The following NTNG2 variants were observed in gnomAD, a reference collection of about 807,000 sequenced individuals.
NTNG2 encodes the protein netrin G2.
Under a neutral mutation model 47.6 loss-of-function variants are expected in NTNG2, and 15 were observed. That is an observed-to-expected ratio of 0.32 (90% CI 0.21 to 0.49). The LOEUF (loss-of-function observed/expected upper bound fraction) is 0.49, where lower values mean the gene tolerates loss of function less well. Among genes scored for constraint, NTNG2 ranks in the 20% least tolerant of loss-of-function variants. The pLI, the probability that NTNG2 is intolerant of heterozygous loss-of-function variation, is 0.99. For synonymous variants in NTNG2, 307 were observed against 324.6 expected (o/e 0.95, Z 0.58); for missense variants, 578 against 764.6 (o/e 0.76, Z 2.88).
intron 3 of NTNG2, among the ~76,000 whole-genome samples, chr9:132,213,030 G>T (rs1451570162): frequency 6.6e-6 from 1 of 152,120 alleles, no homozygotes; most frequent in Non-Finnish European, 1.5e-5. Context: ...AGAAAAGAAG[G>T]ACTTGAGGCC....
Position 132,163,684 on chromosome 9 carries a change from C to T in NTNG2, c.-484+1445C>T, listed in dbSNP as rs899943662. ...CTCCCTCCCGTGCCCCCAGGGGCCC[C>T]GCGCCCGCCGCGGCAAGTTTCCCAC... On this transcript the variant is annotated intron_variant, in intron 1 of 7. Transcript: ENST00000393229. The surrounding 1 kb of genome is among the most constrained non-coding windows in gnomAD (Gnocchi z 7.2). 9.9e-5 allele frequency among the ~76,000 whole-genome samples: 15 copies of T among 152,102 alleles called. 1 individual carries two copies. The highest frequency in any genetic ancestry group is 9.2e-4 in the Admixed American group (14 of 15,284).
chr9:132,173,817 ACAGG>A (rs1045837974), intron 2 of NTNG2, among the ~76,000 whole-genome samples: 1 of 143,368 alleles, frequency 7.0e-6, no homozygotes, highest in African/African-American at 2.7e-5. Flanking sequence ...GGACGGACAG[ACAGG>A]CAGGCCACAC....
chr9:132,210,311 C>T (rs994135790), intron 3 of NTNG2, among the ~76,000 whole-genome samples: 1 of 152,170 alleles, frequency 6.6e-6, no homozygotes, highest in East Asian at 1.9e-4. Flanking sequence ...AGTCCCAGTA[C>T]TCAGGAGGTG....
rs56076447 is a variant in NTNG2, at chr9:132,209,649, A to G, written c.857+11040A>G. On this transcript the variant is annotated intron_variant, in intron 3 of 7. Coordinates refer to ENST00000393229, the MANE Select transcript of NTNG2 (RefSeq NM_032536.4). ...TGGAGGTCACAGTAGACGCACCCAG[A>G]GCAGAGCCCGGGAGTCCGGGATGAA... Among the ~76,000 whole-genome samples, 558 of 152,302 alleles carry G rather than the reference A, an allele frequency of 3.7e-3. 3 individuals are homozygous for G. The highest frequency in any genetic ancestry group is 0.012 in the African/African-American group (517 of 41,566).
intron 3 of NTNG2, among the ~76,000 whole-genome samples, chr9:132,216,295 A>G (rs1839963907): frequency 6.6e-6 from 1 of 152,068 alleles, no homozygotes; most frequent in South Asian, 2.1e-4. Context: ...ACATTTACCA[A>G]AAATTAAACC....
At chr9:132,212,493 C>T (rs1564422731) in intron 3 of NTNG2, among the ~76,000 whole-genome samples, 2 of 152,182 alleles carry the variant, frequency 1.3e-5, no homozygotes, top group Admixed American at 6.5e-5. Flanking sequence ...ACTCAATTGC[C>T]GGCCTGATTG....
At chr9:132,161,777 G>C (rs1191313506), upstream of NTNG2, 3 of 151,652 alleles carry the variant, frequency 2.0e-5, no homozygotes, top group Non-Finnish European at 4.4e-5. This position sits in a 1 kb window ranked among gnomAD's most constrained non-coding sequence, Gnocchi z 7.2. Flanking sequence ...GTGCAGGGGG[G>C]CAGTGAAGCG....
At chr9:132,241,395 C>A (rs936708878) in intron 7 of NTNG2, 1 of 380,230 alleles carries the variant, frequency 2.6e-6, no homozygotes. Flanking sequence ...AGGTCCGGGG[C>A]CGGGCCGAGG....
At chr9:132,239,348 G>T in intron 6 of NTNG2, 77 bp downstream of exon 6, 1 of 1,479,108 alleles carries the variant, frequency 6.8e-7, no homozygotes, top group Non-Finnish European at 9.4e-7. Context: ...GTGGCCTCTG[G>T]GGCCCCCTGC....
At chr9:132,168,921 C>T (rs1441120102) in intron 2 of NTNG2, among the ~76,000 whole-genome samples, 1 of 152,214 alleles carries the variant, frequency 6.6e-6, no homozygotes, top group Non-Finnish European at 1.5e-5. Context: ...GTCCGAGGCC[C>T]TCTCCTTGCC....
At position 132,198,121 on chromosome 9, in the gene NTNG2, C is replaced by T. The variant is rs746114865; in HGVS notation, c.369C>T (p.Ile123=). The change falls in exon 3 of 8, where the codon ATC becomes ATT. Residue 123 remains isoleucine (I), a synonymous_variant. Transcript: ENST00000393229. ...SRYPSPLEAN[I]TLSWNKTVEL... ...ACCCCAGCCCGCTGGAAGCCAACAT[C>T]ACCCTTTCGTGGAACAAGACCGTGG... 5.6e-6 allele frequency: 9 copies of T among 1,613,914 alleles called. No individual in the cohort carries two copies. Among genetic ancestry groups the T allele is most frequent in the South Asian group, 2.2e-5 (2 of 91,088 alleles).
chr9:132,241,987 G>C lies in NTNG2; in HGVS notation c.1469G>C (p.Arg490Pro). The change falls in exon 8 of 8, where the codon CGC becomes CCC. Residue 490 changes from arginine to proline, a missense_variant. Arg to Pro is a moderately radical substitution (Grantham distance 103). Coordinates refer to ENST00000393229, the MANE Select transcript of NTNG2 (RefSeq NM_032536.4). ...ACCGGCGTGCGCTGCGAGCAGCCCC[G>C]CTGCGACCCCGCCGACGATGACGGC... ...GYTGVRCEQP[R>P]CDPADDDGGL... is the part of the protein sequence containing the mutation. 3 of 1,494,510 alleles carry C rather than the reference G, an allele frequency of 2.0e-6. No homozygotes were observed. Among genetic ancestry groups the C allele is most frequent in the South Asian group, 1.2e-5 (1 of 80,036 alleles). The allele number at this position is 1,494,510 out of a possible 1,614,324, so 92.6% of individuals were successfully genotyped here. A position where few individuals can be genotyped will look rare whatever the true frequency, so the allele number is the denominator to read the frequency against.
At chr9:132,175,051 A>G (rs1021533343) in intron 2 of NTNG2, among the ~76,000 whole-genome samples, 1 of 152,110 alleles carries the variant, frequency 6.6e-6, no homozygotes, top group African/African-American at 2.4e-5. Context: ...TGGGTCTTGC[A>G]GGATGGGAAG....
intron 1 of NTNG2, chr9:132,165,961 C>T (rs1014645790): frequency 6.6e-6 from 1 of 152,212 alleles, no homozygotes; most frequent in Non-Finnish European, 1.5e-5. Context: ...TATTCTCCCC[C>T]TCTTTAATTT....
At position 132,218,714 on chromosome 9, in the gene NTNG2, C is replaced by G. The variant is rs1177095887; in HGVS notation, c.858-8135C>G. 6.6e-6 allele frequency among the ~76,000 whole-genome samples: 1 copy of G among 152,148 alleles called. No individual in the cohort carries two copies. Among genetic ancestry groups the G allele is most frequent in the African/African-American group, 2.4e-5 (1 of 41,422 alleles). Reference sequence around the variant, plus strand: ...ATTTCACCATGTTGGCCAGGCTGGTCTCGAACTCCTGACCTCAGGTGATAC... The same window carrying G: ...ATTTCACCATGTTGGCCAGGCTGGTGTCGAACTCCTGACCTCAGGTGATAC... On this transcript the variant is annotated intron_variant, in intron 3 of 7. Transcript: ENST00000393229. This position sits in a 1 kb window ranked among gnomAD's most constrained non-coding sequence, Gnocchi z 5.4.
At chr9:132,199,844 G>A (rs1289485796) in intron 3 of NTNG2, among the ~76,000 whole-genome samples, 1 of 152,238 alleles carries the variant, frequency 6.6e-6, no homozygotes, top group Non-Finnish European at 1.5e-5. Flanking sequence ...TTCTTGCCCA[G>A]CTCTGGAGAG....
intron 5 of NTNG2, chr9:132,232,680 C>T (rs1415161512): frequency 2.0e-5 from 3 of 152,142 alleles, no homozygotes; most frequent in Admixed American, 1.3e-4. Flanking sequence ...AGGGGTGCTC[C>T]AATAGCCTGC....
chr9:132,242,091 G>A lies in NTNG2; in HGVS notation c.1573G>A (p.Ala525Thr). ...LLGCLLLLGL[A>T]ARLGR Reference sequence around the variant, plus strand: ...CGGCTGCCTGCTGCTGCTGGGGCTGGCCGCCCGCCTGGGCCGCTGAGCCCC... The same window carrying A: ...CGGCTGCCTGCTGCTGCTGGGGCTGACCGCCCGCCTGGGCCGCTGAGCCCC... The change falls in exon 8 of 8, where the codon GCC (alanine) becomes ACC (threonine). Residue 525 changes from alanine (A) to threonine (T), a missense_variant. Transcript: ENST00000393229. This position sits in a 1 kb window ranked among gnomAD's most constrained non-coding sequence, Gnocchi z 5.9. The A allele has an allele frequency of 8.5e-7, 1 of 1,175,510 alleles. No homozygotes were observed. 72.8% of individuals were successfully genotyped at this position (1,175,510 alleles called of 1,614,324 possible).
At chr9:132,207,067 C>T (rs944148689) in intron 3 of NTNG2, among the ~76,000 whole-genome samples, 1 of 152,274 alleles carries the variant, frequency 6.6e-6, no homozygotes, top group Non-Finnish European at 1.5e-5. Context: ...GAGAGAGTCA[C>T]GCACAGCAAC....
Sources: gnomAD v4.1 joint callset for allele counts (sites outside exome capture counted in the v4.1 genomes callset) on GRCh38, gnomAD v4.1.1 for gene constraint, Gnocchi (gnomAD v3.1) non-coding constraint, MANE v1.5 for transcripts, NCBI Gene and HGNC (gene_info 2026-07-23, HGNC 2026-07-21) for gene names.